The following PAM variants were observed in gnomAD, a reference collection of about 807,000 sequenced individuals.
PAM encodes peptidylglycine alpha-amidating monooxygenase, also known as peptidyl-glycine alpha-amidating monooxygenase.
Under a neutral mutation model 122.1 loss-of-function variants are expected in PAM, and 72 were observed. That is an observed-to-expected ratio of 0.59 (90% CI 0.49 to 0.72). PAM has a LOEUF of 0.72. PAM is among the 30% of genes least tolerant of loss of function. The pLI, the probability that PAM is intolerant of heterozygous loss-of-function variation, is 0.00. For synonymous variants in PAM, 389 were observed against 404.4 expected (o/e 0.96, Z 0.46); for missense variants, 1,106 against 1,183.7 (o/e 0.93, Z 0.96).
At chr5:103,023,965 C>G (rs1583018027) in intron 23 of PAM, among the ~76,000 whole-genome samples, 1 of 152,074 alleles carries the variant, frequency 6.6e-6, no homozygotes, top group Non-Finnish European at 1.5e-5. Context: ...GAGGAGTATC[C>G]AGTAAACTAC....
chr5:102,875,410 T>C (rs1371197411), intron 3 of PAM, among the ~76,000 whole-genome samples: 1 of 152,048 alleles, frequency 6.6e-6, no homozygotes, highest in East Asian at 1.9e-4. Flanking sequence ...CCCAGGCTGG[T>C]ATCAAACTCC....
intron 14 of PAM, among the ~76,000 whole-genome samples, chr5:102,966,641 T>C (rs1052012528): frequency 1.3e-5 from 2 of 152,128 alleles, no homozygotes; most frequent in East Asian, 1.9e-4. Flanking sequence ...TAAGACTAAG[T>C]CATAAAACAA....
At chr5:102,936,477 C>G (rs115945604) in intron 7 of PAM, among the ~76,000 whole-genome samples, 1,903 of 152,164 alleles carry the variant, frequency 0.013, 45 homozygotes, top group African/African-American at 0.043. Context: ...TTTGTTGTTT[C>G]ACTAAACAAA....
intron 4 of PAM, among the ~76,000 whole-genome samples, chr5:102,913,288 A>G (rs1268132521): frequency 6.6e-6 from 1 of 151,980 alleles, no homozygotes; most frequent in Non-Finnish European, 1.5e-5. Flanking sequence ...TTCAACAACT[A>G]TTATTAGGAG....
In PAM at chr5:102,943,636, A is replaced by T. The variant is rs187931589; in HGVS notation, c.527-3201A>T. 5.9e-5 allele frequency among the ~76,000 whole-genome samples: 9 copies of T among 152,278 alleles called. No homozygotes were observed. The South Asian group carries it at 1.9e-3, about 32-fold the overall frequency. On this transcript the variant is annotated intron_variant, in intron 7 of 25. Transcript: ENST00000438793. The stretch of plus-strand genomic sequence containing the variant: ...TATTTGATACTCAGATGTGTCACCA[A>T]TTAGCTGAATTACTTTAAGAGGCAA...
At chr5:102,944,939 C>G (rs1244548437) in intron 7 of PAM, among the ~76,000 whole-genome samples, 1 of 151,960 alleles carries the variant, frequency 6.6e-6, no homozygotes, top group Non-Finnish European at 1.5e-5. Flanking sequence ...TCTTCTAGTC[C>G]TGTCTTATTA....
chr5:102,796,058 C>T (rs1248399142), intron 1 of PAM, among the ~76,000 whole-genome samples: 1 of 152,160 alleles, frequency 6.6e-6, no homozygotes, highest in African/African-American at 2.4e-5. Context: ...TCAGCAAAAA[C>T]TCCTGTGATC....
intron 15 of PAM, 157 bp downstream of exon 15, chr5:102,974,593 AT>A (rs1766989520): frequency 1.9e-6 from 1 of 531,906 alleles, no homozygotes; most frequent in African/African-American, 1.9e-5. Flanking sequence ...ATCAGATAAC[AT>A]CTTTGAAGAT....
In PAM at chr5:103,028,171, T is replaced by A. The variant is rs540608251; in HGVS notation, c.2690-14T>A. On this transcript the variant is annotated splice_polypyrimidine_tract_variant and intron_variant, in intron 24 of 25. Coordinates refer to ENST00000438793, the MANE Select transcript of PAM (RefSeq NM_001177306.2). ...CTGGGACTCATTTTGAAATGTGCCATCTTTTTTTAGCAGATTCTGAACACA... is the reference window on the plus strand; with the variant it reads ...CTGGGACTCATTTTGAAATGTGCCAACTTTTTTTAGCAGATTCTGAACACA... 1 of 1,609,492 alleles carries A rather than the reference T, an allele frequency of 6.2e-7. No individual in the cohort carries two copies. The highest frequency in any genetic ancestry group is 1.7e-5 in the Admixed American group (1 of 59,954).
intron 21 of PAM, among the ~76,000 whole-genome samples, chr5:103,013,468 T>C (rs1781193097): frequency 6.6e-6 from 1 of 152,206 alleles, no homozygotes; most frequent in Non-Finnish European, 1.5e-5. Context: ...GTAGAGTCTT[T>C]AGGATTTTCC....
At position 102,950,764 on chromosome 5, in the gene PAM, A is replaced by G. The variant is rs540494532; in HGVS notation, c.849A>G (p.Leu283=). The change falls in exon 12 of 26, where the codon CTA becomes CTG. Residue 283 remains leucine, a synonymous_variant. Coordinates refer to ENST00000438793, the MANE Select transcript of PAM (RefSeq NM_001177306.2). ...GHPVDVSFGD[L]LAARCVFTGE... is the part of the protein sequence containing the mutation. ...CAGTTGATGTAAGTTTTGGTGACCT[A>G]CTGGCTGCAAGATGTGTATTCACTG... is the stretch of plus-strand genomic sequence containing the variant. The G allele has an allele frequency of 4.4e-5, 71 of 1,612,398 alleles. 1 individual carries two copies. In the South Asian group the frequency reaches 5.2e-4, roughly 12 times the overall value.
intron 4 of PAM, among the ~76,000 whole-genome samples, chr5:102,902,519 A>C (rs79883171): frequency 0.015 from 2,326 of 151,716 alleles, 46 homozygotes; most frequent in African/African-American, 0.052. Flanking sequence ...TAGGAAGCCA[A>C]GTTCTTCTAT....
chr5:102,766,015 CA>C, intron 1 of PAM, among the ~76,000 whole-genome samples: 1 of 151,998 alleles, frequency 6.6e-6, no homozygotes, highest in East Asian at 1.9e-4. Flanking sequence ...ATACAATACA[CA>C]TACAAGAAAG....
Position 102,863,070 on chromosome 5 carries a change from C to T in PAM, c.-373-2753C>T, listed in dbSNP as rs140952828. Reference sequence around the variant, plus strand: ...AGAGCCAAATTAGTTTTATGGTCTTCTGGACTAGGCTGTACTTAACTACCT... The same window carrying T: ...AGAGCCAAATTAGTTTTATGGTCTTTTGGACTAGGCTGTACTTAACTACCT... On this transcript the variant is annotated intron_variant, in intron 1 of 25. Transcript: ENST00000438793. Among the ~76,000 whole-genome samples the T allele has an allele frequency of 1.7e-3, 253 of 144,672 alleles. 6 individuals are homozygous for T. Among genetic ancestry groups the T allele is most frequent in the East Asian group, 3.1e-3 (16 of 5,156 alleles). 94.9% of individuals were successfully genotyped at this position (144,672 alleles called of 152,430 possible).
At chr5:102,924,571 G>C (rs1278114905) in intron 5 of PAM, among the ~76,000 whole-genome samples, 1 of 152,086 alleles carries the variant, frequency 6.6e-6, no homozygotes, top group Non-Finnish European at 1.5e-5. Flanking sequence ...AAGGGGAAAT[G>C]TGTATGACAC....
intron 15 of PAM, among the ~76,000 whole-genome samples, chr5:102,976,508 T>C (rs966376742): frequency 6.6e-6 from 1 of 152,102 alleles, no homozygotes; most frequent in Non-Finnish European, 1.5e-5. Flanking sequence ...TCAAAGAGAA[T>C]AAATTTGATG....
intron 7 of PAM, among the ~76,000 whole-genome samples, chr5:102,933,109 C>A (rs186773958): frequency 6.6e-6 from 1 of 152,214 alleles, no homozygotes; most frequent in East Asian, 1.9e-4. Flanking sequence ...AGTTAAGTGC[C>A]ATGAGAGAGG....
chr5:102,989,176 C>A (rs1473823076), intron 15 of PAM, among the ~76,000 whole-genome samples: 1 of 152,080 alleles, frequency 6.6e-6, no homozygotes, highest in East Asian at 1.9e-4. Context: ...ATACATTGTA[C>A]CCCTTTATCC....
chr5:102,890,656 A>G lies in PAM; in HGVS notation c.211-10700A>G, dbSNP rs553726684. ...GTTTAATTTAATTGTACTTACCATGATGTGTGGATTTGTGCATGTGTATTT... is the reference window on the plus strand; with the variant it reads ...GTTTAATTTAATTGTACTTACCATGGTGTGTGGATTTGTGCATGTGTATTT... On this transcript the variant is annotated intron_variant, in intron 3 of 25. Transcript: ENST00000438793. Among the ~76,000 whole-genome samples the G allele has an allele frequency of 3.0e-4, 46 of 152,028 alleles. 1 individual carries two copies. In the South Asian group the frequency reaches 9.5e-3, roughly 32 times the overall value.
Sources: gnomAD v4.1 joint callset for allele counts (sites outside exome capture counted in the v4.1 genomes callset) on GRCh38, gnomAD v4.1.1 for gene constraint, MANE v1.5 for transcripts, NCBI Gene and HGNC (gene_info 2026-07-23, HGNC 2026-07-21) for gene names.